GPC6: variants seen among roughly 807,000 people sequenced by gnomAD.
GPC6 encodes the protein glypican-6.
GPC6 carries 14 observed loss-of-function variants against 55.2 expected under a neutral mutation model. The observed-to-expected ratio is 0.25, with a 90% CI of 0.17 to 0.40. The LOEUF is 0.40. GPC6 is among the 10% of genes least tolerant of loss of function. The pLI, the probability that GPC6 is intolerant of heterozygous loss-of-function variation, is 1.00. For synonymous variants in GPC6, 278 were observed against 259.6 expected (o/e 1.07, Z -0.68); for missense variants, 641 against 708.5 (o/e 0.90, Z 1.08).
At chr13:93,465,543 C>T (rs1451557459) in intron 1 of GPC6, among the ~76,000 whole-genome samples, 2 of 152,260 alleles carry the variant, frequency 1.3e-5, no homozygotes, top group Admixed American at 6.5e-5. Flanking sequence ...CTGCAGCTTC[C>T]TCACCTCTCT....
chr13:93,967,387 A>C (rs1880096446), intron 3 of GPC6, among the ~76,000 whole-genome samples: 1 of 152,162 alleles, frequency 6.6e-6, no homozygotes, highest in Non-Finnish European at 1.5e-5. Flanking sequence ...AACAGACACA[A>C]CCTCTAAAAA....
At chr13:93,784,744 A>G (rs1475797954) in intron 2 of GPC6, among the ~76,000 whole-genome samples, 1 of 152,152 alleles carries the variant, frequency 6.6e-6, no homozygotes. Flanking sequence ...CTTCCTTGTA[A>G]ATTGAAATTA....
intron 2 of GPC6, among the ~76,000 whole-genome samples, chr13:93,774,254 G>C (rs564468750): frequency 6.6e-6 from 1 of 152,126 alleles, no homozygotes; most frequent in Non-Finnish European, 1.5e-5. Flanking sequence ...TGGAGGTTAG[G>C]TCTTCAAGAA....
chr13:93,927,728 A>G (rs1054234155), intron 3 of GPC6, among the ~76,000 whole-genome samples: 4 of 151,838 alleles, frequency 2.6e-5, no homozygotes, highest in African/African-American at 7.3e-5. Context: ...TAACAACATT[A>G]TATACTTCCT....
intron 1 of GPC6, among the ~76,000 whole-genome samples, chr13:93,294,631 A>G (rs998848274): frequency 6.6e-6 from 1 of 152,140 alleles, no homozygotes; most frequent in African/African-American, 2.4e-5. Flanking sequence ...CTTAGAGTCT[A>G]GTGGGGGAGA....
At chr13:93,707,157 A>G (rs987734366) in intron 2 of GPC6, among the ~76,000 whole-genome samples, 20 of 151,812 alleles carry the variant, frequency 1.3e-4, no homozygotes, top group Admixed American at 2.6e-4. Context: ...AGTTAGAGTT[A>G]GCTAATAATG....
At chr13:93,533,072 C>T (rs1189997201) in intron 1 of GPC6, among the ~76,000 whole-genome samples, 4 of 152,178 alleles carry the variant, frequency 2.6e-5, no homozygotes, top group African/African-American at 9.7e-5. Context: ...CTTCACTAAA[C>T]AAGAGCAGCC....
intron 2 of GPC6, among the ~76,000 whole-genome samples, chr13:93,770,582 G>GT (rs1471049169): frequency 6.6e-6 from 1 of 152,154 alleles, no homozygotes; most frequent in Non-Finnish European, 1.5e-5. Context: ...CAGAAGCTTT[G>GT]TGGAGGTAGA....
chr13:93,236,355 G>C (rs1278857122), intron 1 of GPC6, among the ~76,000 whole-genome samples: 5 of 152,142 alleles, frequency 3.3e-5, no homozygotes, highest in Admixed American at 3.3e-4. Flanking sequence ...TTGAACCCAA[G>C]AGCAAATTTT....
At chr13:93,324,583 C>CATATATAT (rs1256486557) in intron 1 of GPC6, among the ~76,000 whole-genome samples, 6 of 86,478 alleles carry the variant, frequency 6.9e-5, no homozygotes, top group Admixed American at 3.9e-4. Flanking sequence ...CACACACATA[C>CATATATAT]ATACATATAT....
chr13:94,294,057 C>G (rs79697167), intron 5 of GPC6, among the ~76,000 whole-genome samples: 1 of 152,152 alleles, frequency 6.6e-6, no homozygotes, highest in African/African-American at 2.4e-5. Flanking sequence ...CTTCCACAAC[C>G]GCAGTTACCC....
In GPC6 at chr13:93,463,310, A is replaced by G. The variant is rs546658929; in HGVS notation, c.161-81953A>G. Among the ~76,000 whole-genome samples the G allele has an allele frequency of 2.2e-4, 34 of 152,244 alleles. 1 individual carries two copies. The highest frequency in any genetic ancestry group is 6.3e-4 in the African/African-American group (26 of 41,544). On this transcript the variant is annotated intron_variant, in intron 1 of 8. Transcript: ENST00000377047. ...GAAAAGAAAGAAATAACATCTAAAG[A>G]TCTGTGTTTCATGGACGTTTGCGAA...
chr13:94,362,301 C>G (rs922749552), intron 6 of GPC6, among the ~76,000 whole-genome samples: 1 of 152,092 alleles, frequency 6.6e-6, no homozygotes, highest in African/African-American at 2.4e-5. Context: ...CTTTACTTGT[C>G]AGAAAATATC....
intron 1 of GPC6, among the ~76,000 whole-genome samples, chr13:93,504,896 T>C (rs1050259047): frequency 9.9e-5 from 15 of 152,150 alleles, no homozygotes; most frequent in African/African-American, 3.6e-4. Context: ...CTAGTAAATA[T>C]ATAGCCAGGT....
chr13:93,942,877 C>G (rs1317106657), intron 3 of GPC6, among the ~76,000 whole-genome samples: 2 of 152,152 alleles, frequency 1.3e-5, no homozygotes, highest in Non-Finnish European at 2.9e-5. Flanking sequence ...GAAGGCTATT[C>G]TGTTGCTCAG....
chr13:94,129,471 CCAGCAGTAACAG>C (rs1886937643), intron 4 of GPC6, among the ~76,000 whole-genome samples: 1 of 152,100 alleles, frequency 6.6e-6, no homozygotes, highest in Non-Finnish European at 1.5e-5. Context: ...TTCCAAGTCT[CCAGCAGTAACAG>C]CAGCAGTAGC....
intron 4 of GPC6, among the ~76,000 whole-genome samples, chr13:94,210,242 T>C (rs1296524087): frequency 6.6e-6 from 1 of 151,004 alleles, no homozygotes; most frequent in Admixed American, 6.6e-5. Context: ...CTGCAGCCTC[T>C]GCCTCCCAGG....
intron 3 of GPC6, among the ~76,000 whole-genome samples, chr13:94,021,189 T>G (rs564910270): frequency 6.6e-6 from 1 of 152,090 alleles, no homozygotes; most frequent in East Asian, 1.9e-4. Flanking sequence ...AAGATAGATA[T>G]GTTTATTTGA....
At chr13:93,800,101 C>T (rs901558777) in intron 2 of GPC6, among the ~76,000 whole-genome samples, 1 of 152,134 alleles carries the variant, frequency 6.6e-6, no homozygotes, top group Non-Finnish European at 1.5e-5. Flanking sequence ...CTTTATCTTT[C>T]AAGTGTGCAT....
Sources: allele counts gnomAD v4.1 joint callset (sites outside exome capture counted in the v4.1 genomes callset), GRCh38; gene constraint gnomAD v4.1.1; transcripts MANE v1.5; gene names NCBI Gene and HGNC (gene_info 2026-07-23, HGNC 2026-07-21).